EXOC4: variants seen among roughly 807,000 people sequenced by gnomAD.
EXOC4 encodes the protein SEC8-like 1.
EXOC4 carries 71 observed loss-of-function variants against 107.2 expected under a neutral mutation model. The ratio of observed to expected loss-of-function variants is 0.66; its 90% confidence interval spans 0.55 to 0.81. The LOEUF (loss-of-function observed/expected upper bound fraction) is 0.81, where lower values mean the gene tolerates loss of function less well. Ranked by LOEUF, EXOC4 falls within the 30% of genes least tolerant of loss-of-function variation. EXOC4 has a pLI of 0.00. For missense variants in EXOC4, 1,108 were observed against 1,189.6 expected (o/e 0.93, Z 1.01); for synonymous variants, 456 against 441.2 (o/e 1.03, Z -0.42).
At chr7:133,790,741 C>T (rs1796685023) in intron 10 of EXOC4, among the ~76,000 whole-genome samples, 1 of 152,222 alleles carries the variant, frequency 6.6e-6, no homozygotes. Flanking sequence ...CAAACCTTTC[C>T]AGATTGAGAT....
chr7:133,303,602 G>T (rs1794690176), intron 3 of EXOC4, among the ~76,000 whole-genome samples: 1 of 152,150 alleles, frequency 6.6e-6, no homozygotes, highest in East Asian at 1.9e-4. Flanking sequence ...TTTATAAATA[G>T]ACTATGAATA....
intron 10 of EXOC4, among the ~76,000 whole-genome samples, chr7:133,779,583 G>A (rs1248946169): frequency 5.3e-5 from 8 of 152,212 alleles, no homozygotes; most frequent in Non-Finnish European, 1.2e-4. Context: ...GAAATTTTCT[G>A]TAGCTAGCTA....
rs549830759 is a variant in EXOC4 at position 133,801,336 on chromosome 7, CT to C, written c.1515-15986del. On this transcript the variant is annotated intron_variant, in intron 10 of 17. Coordinates refer to ENST00000253861, the MANE Select transcript of EXOC4 (RefSeq NM_021807.4). Reference sequence around the variant, plus strand: ...ATGGTTTAAATGAATGCAAATAAGACTTTCTGGCTTGCTGTGCTGATACTCA... The same window carrying C: ...ATGGTTTAAATGAATGCAAATAAGACTTCTGGCTTGCTGTGCTGATACTCA... 7.9e-4 allele frequency among the ~76,000 whole-genome samples: 121 copies of C among 152,280 alleles called. 1 individual carries two copies. Among genetic ancestry groups the C allele is most frequent in the Middle Eastern group, 6.8e-3 (2 of 294 alleles).
At chr7:133,882,441 T>C (rs977679818) in intron 11 of EXOC4, among the ~76,000 whole-genome samples, 1 of 152,222 alleles carries the variant, frequency 6.6e-6, no homozygotes. Context: ...ATTTATTGAG[T>C]ACCTGTTATG....
chr7:133,331,761 A>G (rs895201358), intron 5 of EXOC4, among the ~76,000 whole-genome samples: 1 of 152,126 alleles, frequency 6.6e-6, no homozygotes, highest in African/African-American at 2.4e-5. Context: ...CTTTACAGAT[A>G]CGGAAGCTGA....
At chr7:133,315,001 C>T (rs942537188) in intron 4 of EXOC4, 1 of 152,360 alleles carries the variant, frequency 6.6e-6, no homozygotes, top group African/African-American at 2.4e-5. Context: ...TGTATTACAT[C>T]CATAGATGAA....
chr7:133,561,515 T>C (rs1294723477), intron 9 of EXOC4, among the ~76,000 whole-genome samples: 1 of 152,222 alleles, frequency 6.6e-6, no homozygotes, highest in African/African-American at 2.4e-5. Context: ...TTTTCCTTCA[T>C]TTTTAAATGC....
At chr7:133,384,919 T>C (rs1796695416) in intron 7 of EXOC4, among the ~76,000 whole-genome samples, 1 of 152,102 alleles carries the variant, frequency 6.6e-6, no homozygotes, top group Non-Finnish European at 1.5e-5. Flanking sequence ...AAGGCTCCAA[T>C]GCACAGTGCT....
chr7:133,621,444 A>G (rs1199764839), intron 9 of EXOC4, among the ~76,000 whole-genome samples: 2 of 152,190 alleles, frequency 1.3e-5, no homozygotes, highest in Admixed American at 6.5e-5. Flanking sequence ...TCTAGGAGAG[A>G]GTCTTACTTG....
intron 1 of EXOC4, among the ~76,000 whole-genome samples, chr7:133,257,306 A>G (rs999019809): frequency 1.2e-4 from 19 of 152,140 alleles, no homozygotes; most frequent in African/African-American, 3.6e-4. Context: ...ACACACACAC[A>G]GACACACACC....
chr7:134,090,480 C>A, the EXOC4 span, among the ~76,000 whole-genome samples: 1 of 152,196 alleles, frequency 6.6e-6, no homozygotes, highest in Admixed American at 6.5e-5. Context: ...TTAACACTAG[C>A]CTCTCAAATC....
chr7:134,030,326 C>T (rs1205833526), intron 17 of EXOC4, among the ~76,000 whole-genome samples: 1 of 152,168 alleles, frequency 6.6e-6, no homozygotes, highest in Admixed American at 6.5e-5. Flanking sequence ...GTAGAAACAA[C>T]TCATATGTCC....
intron 11 of EXOC4, among the ~76,000 whole-genome samples, chr7:133,832,609 T>A (rs1038246383): frequency 1.3e-5 from 2 of 152,238 alleles, no homozygotes; most frequent in Admixed American, 1.3e-4. Flanking sequence ...TAAGATTCAT[T>A]CATGGCTTTT....
intron 11 of EXOC4, among the ~76,000 whole-genome samples, chr7:133,889,669 G>T (rs1237172703): frequency 1.0e-5 from 1 of 97,092 alleles, no homozygotes; most frequent in East Asian, 3.1e-4. Context: ...GAGAATATGC[G>T]GTGTTTGGTT....
At chr7:133,742,808 C>A (rs1191868871) in intron 10 of EXOC4, among the ~76,000 whole-genome samples, 1 of 152,216 alleles carries the variant, frequency 6.6e-6, no homozygotes, top group East Asian at 1.9e-4. Flanking sequence ...GTTGTGCATC[C>A]CCCTGGAGTT....
chr7:133,441,838 G>GTGTGTGTGTA (rs1798112108), intron 7 of EXOC4, among the ~76,000 whole-genome samples: 2 of 152,126 alleles, frequency 1.3e-5, no homozygotes, highest in Non-Finnish European at 2.9e-5. Context: ...TGTGGGGGGT[G>GTGTGTGTGTA]TGTGTGTGTA....
intron 17 of EXOC4, among the ~76,000 whole-genome samples, chr7:134,061,143 A>G (rs906488074): frequency 6.6e-6 from 1 of 152,218 alleles, no homozygotes; most frequent in African/African-American, 2.4e-5. Flanking sequence ...CCCAGCGTGG[A>G]ACAATGGCCT....
intron 11 of EXOC4, among the ~76,000 whole-genome samples, chr7:133,883,499 C>T (rs1426813335): frequency 6.6e-6 from 1 of 150,588 alleles, no homozygotes; most frequent in East Asian, 2.0e-4. Context: ...AAAAAATAGC[C>T]TGGTATGGTG....
intron 8 of EXOC4, 85 bp downstream of exon 8, chr7:133,475,558 T>TA: frequency 8.1e-7 from 1 of 1,230,040 alleles, no homozygotes; most frequent in Non-Finnish European, 1.2e-6. Context: ...AGCCATAACT[T>TA]TGTCTAGCTT....
Sources: gnomAD v4.1 joint callset for allele counts (sites outside exome capture counted in the v4.1 genomes callset) on GRCh38, gnomAD v4.1.1 for gene constraint, MANE v1.5 for transcripts, NCBI Gene and HGNC (gene_info 2026-07-23, HGNC 2026-07-21) for gene names.